CFAP47: variants seen among roughly 807,000 people sequenced by gnomAD.
The protein encoded by CFAP47 is cilia and flagella associated protein 47.
Under a neutral mutation model 148.1 loss-of-function variants are expected in CFAP47, and 29 were observed. That is an observed-to-expected ratio of 0.20 (90% CI 0.15 to 0.27). The LOEUF (loss-of-function observed/expected upper bound fraction) is 0.27, where lower values mean the gene tolerates loss of function less well. Ranked by LOEUF, CFAP47 falls within the 10% of genes least tolerant of loss-of-function variation. The pLI, the probability that CFAP47 is intolerant of heterozygous loss-of-function variation, is 1.00. For synonymous variants in CFAP47, 664 were observed against 577.3 expected, an observed-to-expected ratio of 1.15 and a Z score of -2.15; for missense variants, 1,872 against 1,697.5, an observed-to-expected ratio of 1.10 and a Z score of -1.81.
chrX:35,948,505 C>A, intron 4 of CFAP47, 53 bp downstream of exon 4: 1 of 973,658 alleles, frequency 1.0e-6, no homozygotes, highest in Non-Finnish European at 1.4e-6. Flanking sequence ...AATGCTTTCC[C>A]GTTTAACCCT....
At chrX:36,228,951 T>A in intron 46 of CFAP47, 127 bp downstream of exon 46, 1 of 433,576 alleles carries the variant, frequency 2.3e-6, no homozygotes, top group Non-Finnish European at 4.1e-6. Context: ...AATTATTTCT[T>A]CATATTTATG....
At chrX:36,059,367 T>C (rs1937576908) in intron 26 of CFAP47, among the ~76,000 whole-genome samples, 1 of 111,652 alleles carries the variant, frequency 9.0e-6, no homozygotes, top group Non-Finnish European at 1.9e-5. Flanking sequence ...GGAGTTTTAG[T>C]GTTTGGTTCC....
intron 33 of CFAP47, among the ~76,000 whole-genome samples, chrX:36,117,361 G>A (rs1296650132): frequency 1.8e-5 from 2 of 111,456 alleles, no homozygotes; most frequent in Non-Finnish European, 3.8e-5. Flanking sequence ...ACTAATTTAC[G>A]TTCCCACCAG....
intron 35 of CFAP47, among the ~76,000 whole-genome samples, chrX:36,139,304 A>G (rs191033429): frequency 3.5e-4 from 39 of 111,719 alleles, no homozygotes; most frequent in East Asian, 8.5e-4. Context: ...AGGAAGTAAC[A>G]TGAACAGAAT....
intron 49 of CFAP47, among the ~76,000 whole-genome samples, chrX:36,270,287 A>T (rs1395774822): frequency 9.0e-6 from 1 of 111,118 alleles, no homozygotes; most frequent in Non-Finnish European, 1.9e-5. Context: ...CCAACAGTGT[A>T]TGAGAAATCC....
chrX:36,261,754 T>C (rs1280775664), intron 49 of CFAP47, among the ~76,000 whole-genome samples: 6 of 111,126 alleles, frequency 5.4e-5, no homozygotes, highest in African/African-American at 2.0e-4. Context: ...ACAATCTGAT[T>C]TCTCTATCTT....
intron 57 of CFAP47, among the ~76,000 whole-genome samples, chrX:36,326,735 C>T (rs1339662852): frequency 1.8e-5 from 2 of 111,514 alleles, no homozygotes; most frequent in Admixed American, 1.9e-4. Flanking sequence ...GACCTGGGAG[C>T]TCTTAAGAGT....
At chrX:35,962,923 T>C (rs1601903377) in intron 8 of CFAP47, among the ~76,000 whole-genome samples, 1 of 94,291 alleles carries the variant, frequency 1.1e-5, no homozygotes, top group East Asian at 3.3e-4. Flanking sequence ...ATAAATAAAA[T>C]GTGGTGTGTG....
chrX:36,105,582 A>G (rs6632487), intron 33 of CFAP47, among the ~76,000 whole-genome samples: 26,066 of 111,254 alleles, frequency 0.23, 4,009 homozygotes, highest in African/African-American at 0.55. Context: ...TGAAAAAGAT[A>G]TATTGACATG....
At chrX:36,133,949 C>A (rs1938996066) in intron 33 of CFAP47, among the ~76,000 whole-genome samples, 1 of 110,145 alleles carries the variant, frequency 9.1e-6, no homozygotes, top group Non-Finnish European at 1.9e-5. Flanking sequence ...ATACTATATT[C>A]ATTTATCAAA....
intron 45 of CFAP47, among the ~76,000 whole-genome samples, chrX:36,208,337 C>G (rs1940061404): frequency 9.0e-6 from 1 of 110,774 alleles, no homozygotes; most frequent in South Asian, 3.9e-4. Flanking sequence ...ACAGTCATCC[C>G]TCAGTATGCA....
chrX:36,214,044 G>T (rs1940131978), intron 45 of CFAP47, among the ~76,000 whole-genome samples: 1 of 111,021 alleles, frequency 9.0e-6, no homozygotes, highest in South Asian at 3.8e-4. Flanking sequence ...GCCTTGTTAG[G>T]TGGTTTCATC....
chrX:35,924,112 C>T (rs747350486), intron 1 of CFAP47, among the ~76,000 whole-genome samples: 25 of 98,808 alleles, frequency 2.5e-4, no homozygotes, highest in Non-Finnish European at 4.4e-4. Context: ...TATATATGTA[C>T]ATGTATGCGT....
intron 48 of CFAP47, among the ~76,000 whole-genome samples, chrX:36,248,496 T>TCTCACACACACACACA (rs1336114947): frequency 6.3e-5 from 6 of 95,455 alleles, no homozygotes; most frequent in African/African-American, 1.6e-4. Context: ...ACATATTATA[T>TCTCACACACACACACA]CACACACACA....
intron 16 of CFAP47, among the ~76,000 whole-genome samples, chrX:35,990,988 G>T (rs1370515336): frequency 9.0e-6 from 1 of 111,392 alleles, no homozygotes; most frequent in African/African-American, 3.3e-5. Context: ...TTCATAGTTA[G>T]GAGTTTTTTC....
chrX:36,277,245 A>G (rs1200438478), intron 49 of CFAP47, among the ~76,000 whole-genome samples: 1 of 112,597 alleles, frequency 8.9e-6, no homozygotes, highest in Non-Finnish European at 1.9e-5. Context: ...AATGAAGCTG[A>G]TAGTGAATAT....
intron 13 of CFAP47, among the ~76,000 whole-genome samples, chrX:35,974,248 C>T (rs1279195215): frequency 1.8e-5 from 2 of 111,803 alleles, no homozygotes; most frequent in African/African-American, 6.5e-5. Context: ...GGCATCTGGG[C>T]TGACTGTGAG....
chrX:36,294,067 A>G (rs1423653378), intron 51 of CFAP47, among the ~76,000 whole-genome samples: 2 of 111,803 alleles, frequency 1.8e-5, no homozygotes, highest in Admixed American at 9.5e-5. Context: ...TAGGGTGAGA[A>G]GACTCCAGGA....
At chrX:36,184,011 T>G (rs1015039738) in intron 40 of CFAP47, among the ~76,000 whole-genome samples, 4 of 110,431 alleles carry the variant, frequency 3.6e-5, no homozygotes, top group African/African-American at 1.3e-4. Context: ...TAAAGATAAA[T>G]AAGTCACATA....
Sources: gnomAD v4.1 joint callset for allele counts (sites outside exome capture counted in the v4.1 genomes callset) on GRCh38, gnomAD v4.1.1 for gene constraint, MANE v1.5 for transcripts, NCBI Gene and HGNC (gene_info 2026-07-23, HGNC 2026-07-21) for gene names.